VPS54: variants seen among roughly 807,000 people sequenced by gnomAD.
VPS54 encodes VPS54 subunit of GARP complex, also known as vacuolar protein sorting-associated protein 54.
A neutral mutation model predicts 121.5 loss-of-function variants in VPS54; 45 were observed. The ratio of observed to expected loss-of-function variants is 0.37; its 90% CI spans 0.29 to 0.47. The LOEUF (loss-of-function observed/expected upper bound fraction) is 0.47. Among genes scored for constraint, VPS54 ranks in the 20% least tolerant of loss-of-function variants. The pLI, the probability that VPS54 is intolerant of heterozygous loss-of-function variation, is 0.99. For synonymous variants in VPS54, 371 were observed against 385.8 expected (o/e 0.96, Z 0.45); for missense variants, 1,090 against 1,131.4 (o/e 0.96, Z 0.52).
At chr2:63,899,430 T>C in intron 21 of VPS54, 44 bp downstream of exon 21, 1 of 1,539,004 alleles carries the variant, frequency 6.5e-7, no homozygotes. Flanking sequence ...GTACAGATAT[T>C]GTATGTTATA....
At chr2:63,987,032 TTTG>T (rs1397759509) in intron 1 of VPS54, among the ~76,000 whole-genome samples, 6 of 152,226 alleles carry the variant, frequency 3.9e-5, no homozygotes, top group Admixed American at 2.0e-4. Flanking sequence ...GTCTCCTCAC[TTTG>T]TTGTTTCCTT....
intron 5 of VPS54, among the ~76,000 whole-genome samples, chr2:63,968,702 G>A (rs1018376040): frequency 6.6e-6 from 1 of 151,854 alleles, no homozygotes; most frequent in Admixed American, 6.6e-5. Flanking sequence ...CTGCGAGACG[G>A]GGCAAGATTC....
At chr2:63,948,980 C>T (rs1431496787) in intron 8 of VPS54, 57 bp downstream of exon 8, 3 of 1,581,212 alleles carry the variant, frequency 1.9e-6, no homozygotes, top group East Asian at 2.3e-5. Context: ...AAAATGTGTT[C>T]TAAGCCAAGA....
chr2:64,001,169 C>T (rs772555100), intron 1 of VPS54, among the ~76,000 whole-genome samples: 2 of 152,196 alleles, frequency 1.3e-5, no homozygotes, highest in Non-Finnish European at 2.9e-5. Flanking sequence ...ACCAAAGGCC[C>T]ATAGGGAGTA....
chr2:63,944,030 C>T (rs1281521542), intron 10 of VPS54, among the ~76,000 whole-genome samples: 3 of 151,320 alleles, frequency 2.0e-5, no homozygotes, highest in Non-Finnish European at 4.4e-5. Flanking sequence ...ATGCGCCTGG[C>T]CAAGAATAGG....
At chr2:63,991,981 T>C (rs1256150785) in intron 1 of VPS54, among the ~76,000 whole-genome samples, 1 of 152,162 alleles carries the variant, frequency 6.6e-6, no homozygotes, top group Non-Finnish European at 1.5e-5. Context: ...CCCACAGGGG[T>C]CACTGGCCCT....
chr2:63,992,900 C>A (rs1187284669), intron 1 of VPS54, among the ~76,000 whole-genome samples: 1 of 152,228 alleles, frequency 6.6e-6, no homozygotes, highest in African/African-American at 2.4e-5. Flanking sequence ...GCCTGCAGCT[C>A]ATTATCAATG....
intron 20 of VPS54, among the ~76,000 whole-genome samples, chr2:63,908,199 TAGC>T (rs1171103677): frequency 2.0e-5 from 3 of 152,102 alleles, no homozygotes; most frequent in African/African-American, 7.2e-5. Context: ...GATAAACAAA[TAGC>T]AGTGAATCCA....
chr2:63,920,674 G>A lies in VPS54; in HGVS notation c.1870-47C>T, dbSNP rs766155955. On this transcript the variant is annotated intron_variant, in intron 13 of 22. Coordinates refer to ENST00000272322, the MANE Select transcript of VPS54 (RefSeq NM_016516.3). ...ATGAGAGTTAGTGTAACACCAAATT[G>A]AGTTATGAAACCAAGTTAGTTTAAC... The A allele has an allele frequency of 8.4e-6, 10 of 1,196,618 alleles. No homozygotes were observed. In the South Asian group the frequency reaches 2.6e-4, roughly 31 times the overall value. 74.1% of individuals were successfully genotyped at this position (1,196,618 alleles called of 1,614,324 possible).
At chr2:63,915,649 T>C (rs1673347784) in intron 16 of VPS54, among the ~76,000 whole-genome samples, 1 of 152,082 alleles carries the variant, frequency 6.6e-6, no homozygotes, top group Admixed American at 6.5e-5. Flanking sequence ...AGATAACCAG[T>C]AGTTAAGGAG....
chr2:63,947,458 T>A lies in VPS54; in HGVS notation c.1170A>T (p.Leu390Phe). 1 of 1,541,904 alleles carries A rather than the reference T, an allele frequency of 6.5e-7. No individual in the cohort carries two copies. Among genetic ancestry groups the A allele is most frequent in the Non-Finnish European group, 8.9e-7 (1 of 1,126,230 alleles). ...ERLISLVFGL[L>F]KQRKLNFLEI... is the part of the protein sequence containing the mutation. ...CTAAAAAATTAAGCTTTCTTTGTTT[T>A]AAAAGTCCAAATACAAGAGATATTA... The change falls in exon 9 of 23, where the codon TTA (leucine) becomes TTT (phenylalanine). Residue 390 changes from leucine to phenylalanine, a missense_variant. By Grantham distance (22) the Leu-to-Phe change is conservative (BLOSUM62 0). Coordinates refer to ENST00000272322, the MANE Select transcript of VPS54 (RefSeq NM_016516.3).
intron 1 of VPS54, among the ~76,000 whole-genome samples, chr2:64,010,429 A>G (rs891678533): frequency 7.2e-5 from 11 of 152,238 alleles, no homozygotes; most frequent in African/African-American, 2.7e-4. Flanking sequence ...TCAGTTTGAC[A>G]GAACTCAGGA....
chr2:63,908,575 C>T (rs1158431050), intron 20 of VPS54, among the ~76,000 whole-genome samples: 1 of 152,128 alleles, frequency 6.6e-6, no homozygotes, highest in Non-Finnish European at 1.5e-5. Flanking sequence ...ATATGAATTG[C>T]TTAGTTTTCT....
chr2:63,913,959 A>C, intron 17 of VPS54: 1 of 1,315,344 alleles, frequency 7.6e-7, no homozygotes, highest in Non-Finnish European at 9.8e-7. Flanking sequence ...CTCCAATGTC[A>C]TTAACAACTC....
At chr2:63,922,016 T>C (rs1266438935) in intron 12 of VPS54, among the ~76,000 whole-genome samples, 1 of 152,192 alleles carries the variant, frequency 6.6e-6, no homozygotes, top group Non-Finnish European at 1.5e-5. Flanking sequence ...ACAGGCTCTC[T>C]TTTTACTTAT....
intron 11 of VPS54, among the ~76,000 whole-genome samples, chr2:63,935,610 C>T (rs900678483): frequency 6.6e-6 from 1 of 152,088 alleles, no homozygotes; most frequent in Non-Finnish European, 1.5e-5. Context: ...GGTACAACAG[C>T]CATATAATTT....
intron 3 of VPS54, among the ~76,000 whole-genome samples, chr2:63,973,005 T>C (rs532184096): frequency 6.6e-6 from 1 of 152,122 alleles, no homozygotes; most frequent in Admixed American, 6.5e-5. Flanking sequence ...TTTTCAGAGA[T>C]ATCACCGAAA....
intron 1 of VPS54, among the ~76,000 whole-genome samples, chr2:64,008,993 C>G (rs1180892376): frequency 3.3e-5 from 5 of 152,164 alleles, no homozygotes; most frequent in African/African-American, 1.2e-4. Flanking sequence ...TCTAGAGTAA[C>G]TTGATTTCAG....
At position 63,993,116 on chromosome 2, in the gene VPS54, G is replaced by A. The variant is rs543611200; in HGVS notation, c.-20-9097C>T. Among the ~76,000 whole-genome samples, 4 of 152,194 alleles carry A rather than the reference G, an allele frequency of 2.6e-5. No homozygotes were observed. The East Asian group carries it at 7.7e-4, about 29-fold the overall frequency. ...AGAGGCTGGATTACACATCGCTCAG[G>A]ACAAAATTCAACAGACCACTCCTGT... On this transcript the variant is annotated intron_variant, in intron 1 of 22. Transcript: ENST00000272322.
Sources: gnomAD v4.1 joint callset for allele counts (sites outside exome capture counted in the v4.1 genomes callset) on GRCh38, gnomAD v4.1.1 for gene constraint, MANE v1.5 for transcripts, NCBI Gene and HGNC (gene_info 2026-07-23, HGNC 2026-07-21) for gene names.